The following BCAS3 variants were observed in gnomAD, a reference collection of about 807,000 sequenced individuals.
BCAS3 encodes the protein BCAS3 microtubule associated cell migration factor.
A neutral mutation model predicts 116.1 loss-of-function variants in BCAS3; 53 were observed. That is an observed-to-expected ratio of 0.46 (90% CI 0.37 to 0.57). BCAS3 has a LOEUF of 0.57. Among genes scored for constraint, BCAS3 ranks in the 20% least tolerant of loss-of-function variants. The pLI is 0.00. For missense variants in BCAS3, 917 were observed against 1,165.4 expected, an observed-to-expected ratio of 0.79 and a Z score of 3.10; for synonymous variants, 391 against 408.2, an observed-to-expected ratio of 0.96 and a Z score of 0.51.
Position 61,097,584 on chromosome 17 carries a change from T to C in BCAS3, c.2425+13020T>C, listed in dbSNP as rs2074061403. ...CTTGGCAGTGTGAGATCCCCATGTC[T>C]GAATAATCAAGAGGCTCTATGAGGA... On this transcript the variant is annotated intron_variant, in intron 22 of 23. Coordinates refer to ENST00000407086, the MANE Select transcript of BCAS3 (RefSeq NM_017679.5). The surrounding 1 kb of genome is among the most constrained non-coding windows in gnomAD (Gnocchi z 4.0). Among the ~76,000 whole-genome samples, 1 of 152,196 alleles carries C rather than the reference T, an allele frequency of 6.6e-6. No individual in the cohort carries two copies. Among genetic ancestry groups the C allele is most frequent in the Non-Finnish European group, 1.5e-5 (1 of 68,040 alleles).
At chr17:60,823,618 T>A (rs1474660240) in intron 7 of BCAS3, among the ~76,000 whole-genome samples, 2 of 152,054 alleles carry the variant, frequency 1.3e-5, no homozygotes, top group Admixed American at 1.3e-4. Flanking sequence ...TGAAAATGGA[T>A]GTAGAATAAG....
chr17:60,699,114 C>T (rs73332383), intron 4 of BCAS3, among the ~76,000 whole-genome samples: 10,668 of 152,084 alleles, frequency 0.07, 1,249 homozygotes, highest in African/African-American at 0.24. Flanking sequence ...AACAGGATTC[C>T]GTCTCAAAAA....
chr17:61,070,194 G>T (rs770087714), intron 19 of BCAS3: 2 of 1,564,532 alleles, frequency 1.3e-6, no homozygotes, highest in Non-Finnish European at 8.7e-7. Context: ...ACAAGCACCA[G>T]ATTAAACAGG....
At chr17:61,078,597 T>C (rs561741587) in intron 21 of BCAS3, 68 bp downstream of exon 21, 8 of 1,364,738 alleles carry the variant, frequency 5.9e-6, no homozygotes, top group African/African-American at 1.4e-5. Context: ...ATGAGCATCA[T>C]ATGTAATATT....
In BCAS3 at chr17:61,354,573, GAACAGC is replaced by G. The variant is rs764927211; in HGVS notation, c.2426-13753_2426-13748del. On this transcript the variant is annotated intron_variant, in intron 22 of 23. Transcript: ENST00000407086. This position sits in a 1 kb window ranked among gnomAD's most constrained non-coding sequence, Gnocchi z 4.5. Reference sequence around the variant, plus strand: ...GCTCTTCTCAGGCCAAGTCTTTGTTGAACAGCTTCAGTGCAAGGACCTGGGAAGTCG... The same window carrying G: ...GCTCTTCTCAGGCCAAGTCTTTGTTGTTCAGTGCAAGGACCTGGGAAGTCG... The G allele has an allele frequency of 2.6e-5, 4 of 152,256 alleles. No homozygotes were observed. Among genetic ancestry groups the G allele is most frequent in the Non-Finnish European group, 5.9e-5 (4 of 68,084 alleles). The allele number at this position is 152,256 out of a possible 1,614,324, so 9.4% of individuals were successfully genotyped here. A position where few individuals can be genotyped will look rare whatever the true frequency, so the allele number is the denominator to read the frequency against.
intron 4 of BCAS3, among the ~76,000 whole-genome samples, chr17:60,700,491 C>T (rs2036248756): frequency 6.6e-6 from 1 of 152,172 alleles, no homozygotes; most frequent in East Asian, 1.9e-4. Flanking sequence ...TGGAGACATC[C>T]AAACTCTATA....
intron 22 of BCAS3, among the ~76,000 whole-genome samples, chr17:61,298,170 T>C (rs2053105341): frequency 6.6e-6 from 1 of 152,182 alleles, no homozygotes; most frequent in Non-Finnish European, 1.5e-5. Context: ...TCACTTAGAA[T>C]GGCAGCTTCT....
chr17:61,211,673 A>AT lies in BCAS3; in HGVS notation c.2425+127109_2425+127110insT, dbSNP rs2081468353. Among the ~76,000 whole-genome samples, 1 of 150,966 alleles carries AT rather than the reference A, an allele frequency of 6.6e-6. No individual in the cohort carries two copies. Among genetic ancestry groups the AT allele is most frequent in the Admixed American group, 6.6e-5 (1 of 15,232 alleles). On this transcript the variant is annotated intron_variant, in intron 22 of 23. Transcript: ENST00000407086. The surrounding 1 kb of genome is among the most constrained non-coding windows in gnomAD (Gnocchi z 4.4). ...TTGCATCCAGGTCATTTCTCCATAA[A>AT]AAAAAAAAAAAAATGCCACTGACAT...
chr17:61,341,711 G>A (rs1282006071), intron 22 of BCAS3, among the ~76,000 whole-genome samples: 3 of 152,176 alleles, frequency 2.0e-5, no homozygotes, highest in Non-Finnish European at 4.4e-5. Context: ...AAGCCGCAAT[G>A]GTTGTTATCA....
chr17:61,069,241 A>G (rs2071054710), intron 19 of BCAS3, among the ~76,000 whole-genome samples: 1 of 152,214 alleles, frequency 6.6e-6, no homozygotes, highest in Non-Finnish European at 1.5e-5. Flanking sequence ...AGGGAAGAGT[A>G]ATAAAGCTAC....
chr17:60,961,305 A>G lies in BCAS3; in HGVS notation c.1221+13953A>G, dbSNP rs1445163815. Among the ~76,000 whole-genome samples the G allele has an allele frequency of 1.3e-5, 2 of 152,176 alleles. No homozygotes were observed. Among genetic ancestry groups the G allele is most frequent in the Admixed American group, 6.5e-5 (1 of 15,282 alleles). On this transcript the variant is annotated intron_variant, in intron 14 of 23. Transcript: ENST00000407086. The surrounding 1 kb of genome is among the most constrained non-coding windows in gnomAD (Gnocchi z 4.8). ...ACCAGAGAAACAGAATCAGTAGGGC[A>G]TTACAGAGGTTTATCAGCATACATG...
Position 61,327,080 on chromosome 17 carries a change from C to T in BCAS3, c.2426-41247C>T, listed in dbSNP as rs1035666816. ...CAGCACTTTGGGAGGCCGAGGTAGG[C>T]AGATCATGAGGTCAAGAGATTGAGA... On this transcript the variant is annotated intron_variant, in intron 22 of 23. Coordinates refer to ENST00000407086, the MANE Select transcript of BCAS3 (RefSeq NM_017679.5). This position sits in a 1 kb window ranked among gnomAD's most constrained non-coding sequence, Gnocchi z 5.9. Among the ~76,000 whole-genome samples, 9 of 152,180 alleles carry T rather than the reference C, an allele frequency of 5.9e-5. No individual in the cohort carries two copies. The highest frequency in any genetic ancestry group is 1.9e-4 in the African/African-American group (8 of 41,526).
At chr17:60,915,918 C>T (rs557763493) in intron 12 of BCAS3, among the ~76,000 whole-genome samples, 15 of 152,056 alleles carry the variant, frequency 9.9e-5, no homozygotes, top group African/African-American at 3.4e-4. Context: ...CTCCTGACCT[C>T]GTGATCTGCC....
At chr17:60,865,049 C>T (rs966663153) in intron 7 of BCAS3, among the ~76,000 whole-genome samples, 14 of 152,038 alleles carry the variant, frequency 9.2e-5, no homozygotes, top group African/African-American at 2.7e-4. Context: ...ACAGATCATT[C>T]TAACAGATAT....
In BCAS3 at chr17:61,380,527, T is replaced by C; in HGVS notation, c.2594-11450T>C. The C allele has an allele frequency of 6.3e-7, 1 of 1,598,262 alleles. No homozygotes were observed. Among genetic ancestry groups the C allele is most frequent in the South Asian group, 1.1e-5 (1 of 91,072 alleles). On this transcript the variant is annotated intron_variant, in intron 23 of 23. Coordinates refer to ENST00000407086, the MANE Select transcript of BCAS3 (RefSeq NM_017679.5). The surrounding 1 kb of genome is among the most constrained non-coding windows in gnomAD (Gnocchi z 4.2). ...ACAGACACAGCCCTTGACGTAGCAG[T>C]AAAAACCTTCCCCCCTGAGAGACAC...
At chr17:60,988,500 A>G (rs528442920) in intron 14 of BCAS3, among the ~76,000 whole-genome samples, 25 of 152,134 alleles carry the variant, frequency 1.6e-4, no homozygotes, top group African/African-American at 5.8e-4. Flanking sequence ...TAAAACATCT[A>G]AAATTAAGCA....
chr17:60,811,002 C>CGT, intron 7 of BCAS3: 1 of 664,372 alleles, frequency 1.5e-6, no homozygotes, highest in African/African-American at 1.8e-5. Flanking sequence ...AAGAGAGCAC[C>CGT]ACAGTGGTCA....
chr17:60,712,621 G>T (rs1216358694), intron 5 of BCAS3, among the ~76,000 whole-genome samples: 1 of 152,196 alleles, frequency 6.6e-6, no homozygotes, highest in East Asian at 1.9e-4. Context: ...AAATGTGATT[G>T]CTAAAGATAT....
intron 6 of BCAS3, among the ~76,000 whole-genome samples, chr17:60,785,423 T>C (rs1052074948): frequency 1.3e-5 from 2 of 152,186 alleles, no homozygotes. Flanking sequence ...CCTCCCAAAG[T>C]GCTGGGATTA....
Sources: gnomAD v4.1 joint callset for allele counts (sites outside exome capture counted in the v4.1 genomes callset) on GRCh38, gnomAD v4.1.1 for gene constraint, Gnocchi (gnomAD v3.1) non-coding constraint, MANE v1.5 for transcripts, NCBI Gene and HGNC (gene_info 2026-07-23, HGNC 2026-07-21) for gene names.